SETDB2: variants seen among roughly 807,000 people sequenced by gnomAD.
The protein encoded by SETDB2 is histone-lysine N-methyltransferase SETDB2.
Under a neutral mutation model 82.5 loss-of-function variants are expected in SETDB2, and 56 were observed. The ratio of observed to expected loss-of-function variants is 0.68; its 90% confidence interval spans 0.55 to 0.85. The LOEUF (loss-of-function observed/expected upper bound fraction) is 0.85. SETDB2 is among the 40% of genes least tolerant of loss of function. SETDB2 has a pLI of 0.00. For synonymous variants in SETDB2, 272 were observed against 284.9 expected (o/e 0.95, Z 0.46); for missense variants, 677 against 816.4 (o/e 0.83, Z 2.08).
At position 49,493,507 on chromosome 13, in the gene SETDB2, C is replaced by G. The variant is rs574503467; in HGVS notation, c.*1658C>G. ...ATCTTCCATCAGTACCCCAGAGATTCACTTTGTCTCTTATGTGGGATCTGT... is the reference window on the plus strand; with the variant it reads ...ATCTTCCATCAGTACCCCAGAGATTGACTTTGTCTCTTATGTGGGATCTGT... On this transcript the variant is annotated 3_prime_UTR_variant, in exon 14 of 14. Transcript: ENST00000611815. 1.3e-5 allele frequency: 2 copies of G among 152,296 alleles called. No homozygotes were observed. The highest frequency in any genetic ancestry group is 2.4e-5 in the African/African-American group (1 of 41,558). 9.4% of individuals were successfully genotyped at this position (152,296 alleles called of 1,614,324 possible).
In SETDB2 at chr13:49,481,050, C is replaced by T. The variant is rs1958466260; in HGVS notation, c.1090C>T (p.Gln364Ter). The T allele has an allele frequency of 6.2e-7, 1 of 1,614,094 alleles. No individual in the cohort carries two copies. Among genetic ancestry groups the T allele is most frequent in the Non-Finnish European group, 8.5e-7 (1 of 1,179,968 alleles). The change falls in exon 8 of 14, where the codon CAG becomes TAG. Residue 364 changes from glutamine to a stop codon, truncating the protein, a stop_gained. Coordinates refer to ENST00000611815, the MANE Select transcript of SETDB2 (RefSeq NM_001160308.3). LOFTEE classifies it high-confidence loss of function. ...GAGGTTACAGGTGTTCAAAACTGAG[C>T]AGAAGGGATGGGGTGTACGCTGTCT... is the stretch of plus-strand genomic sequence containing the variant. Reference protein sequence around the residue: ...QVRLQVFKTEQKGWGVRCLDD... With the variant: ...QVRLQVFKTE
chr13:49,456,431 GTCT>G (rs1957883662), intron 2 of SETDB2, among the ~76,000 whole-genome samples: 1 of 152,102 alleles, frequency 6.6e-6, no homozygotes, highest in African/African-American at 2.4e-5. Flanking sequence ...CATGGTTATA[GTCT>G]TGCAATGAAT....
rs762248267 is a variant in SETDB2, at chr13:49,451,853, C to T, written c.-41C>T. The T allele has an allele frequency of 1.3e-6, 2 of 1,544,208 alleles. No homozygotes were observed. Among genetic ancestry groups the T allele is most frequent in the Admixed American group, 1.8e-5 (1 of 55,710 alleles). ...CTGCAATCAAAGTGATTTGATAAAC[C>T]TAATTTTGAAGCATTTTATATTTAT... On this transcript the variant is annotated 5_prime_UTR_variant, in exon 2 of 14. Transcript: ENST00000611815.
At chr13:49,490,931 A>G (rs753393538) in intron 13 of SETDB2, 21 bp downstream of exon 13, 1 of 1,581,212 alleles carries the variant, frequency 6.3e-7, no homozygotes, top group African/African-American at 1.3e-5. Flanking sequence ...GATTTCGCTT[A>G]CTTAATTCTG....
chr13:49,470,966 C>CTTTCTTTTTTTTTTTTTTTTTTTTT (rs10695231), intron 5 of SETDB2, among the ~76,000 whole-genome samples: 3 of 80,470 alleles, frequency 3.7e-5, no homozygotes, highest in African/African-American at 1.8e-4. Context: ...TTCTTTCTTT[C>CTTTCTTTTTTTTTTTTTTTTTTTTT]TTTTTTTTTT....
At chr13:49,485,054 A>T (rs1318685891) in intron 10 of SETDB2, among the ~76,000 whole-genome samples, 1 of 152,270 alleles carries the variant, frequency 6.6e-6, no homozygotes, top group Admixed American at 6.5e-5. Context: ...TGCTCAATAC[A>T]TGTTGACCAT....
intron 1 of SETDB2, among the ~76,000 whole-genome samples, chr13:49,448,405 C>T (rs1343898280): frequency 6.6e-6 from 1 of 152,062 alleles, no homozygotes; most frequent in East Asian, 1.9e-4. Context: ...TTTCATTTTG[C>T]TAATAAAATT....
chr13:49,481,940 A>C (rs930219097), intron 8 of SETDB2: 8 of 464,332 alleles, frequency 1.7e-5, no homozygotes, highest in African/African-American at 1.7e-4. Flanking sequence ...CTTAGAAAAG[A>C]AATATCAGGT....
chr13:49,454,303 A>G (rs1038321059), intron 2 of SETDB2, among the ~76,000 whole-genome samples: 19 of 152,178 alleles, frequency 1.2e-4, no homozygotes, highest in African/African-American at 4.3e-4. Context: ...CAGCTATTCC[A>G]GAGGCTGGGG....
At chr13:49,467,800 G>T in intron 4 of SETDB2, 64 bp from the exon 5 acceptor site, 1 of 1,208,802 alleles carries the variant, frequency 8.3e-7, no homozygotes, top group Non-Finnish European at 1.2e-6. Context: ...CATATTACTT[G>T]GGTACTTATA....
chr13:49,486,079 G>T (rs904550715), intron 11 of SETDB2, among the ~76,000 whole-genome samples: 1 of 152,134 alleles, frequency 6.6e-6, no homozygotes, highest in Non-Finnish European at 1.5e-5. Flanking sequence ...TTAGCACTTT[G>T]GGAAGCCAAG....
intron 7 of SETDB2, among the ~76,000 whole-genome samples, 178 bp downstream of exon 7, chr13:49,480,513 C>T (rs1488217541): frequency 6.6e-6 from 1 of 152,184 alleles, no homozygotes; most frequent in African/African-American, 2.4e-5. Context: ...TAGTCAGAGA[C>T]CACACATACA....
At position 49,451,867 on chromosome 13, in the gene SETDB2, TTTTATA is replaced by T. The variant is rs760052817; in HGVS notation, c.-20_-15del. The stretch of plus-strand genomic sequence containing the variant: ...ATTTGATAAACCTAATTTTGAAGCA[TTTTATA>T]TTTATAAGCGACATCAAAAGATGGG... On this transcript the variant is annotated 5_prime_UTR_variant, in exon 2 of 14. Transcript: ENST00000611815. The T allele has an allele frequency of 1.6e-5, 25 of 1,582,410 alleles. No individual in the cohort carries two copies. Among genetic ancestry groups the T allele is most frequent in the Admixed American group, 1.6e-4 (9 of 58,042 alleles).
At chr13:49,450,941 ATAT>A (rs201567132) in intron 1 of SETDB2, among the ~76,000 whole-genome samples, 17,053 of 150,508 alleles carry the variant, frequency 0.11, 1,078 homozygotes, top group Admixed American at 0.17. Context: ...ATAGAGGTTT[ATAT>A]TATTAATTAA....
intron 4 of SETDB2, among the ~76,000 whole-genome samples, chr13:49,465,059 G>A (rs1257308891): frequency 7.1e-6 from 1 of 140,838 alleles, no homozygotes; most frequent in Non-Finnish European, 1.5e-5. Context: ...AGGCAAGAGA[G>A]TGAGACCCTG....
chr13:49,478,351 A>G (rs1390660341), intron 6 of SETDB2, among the ~76,000 whole-genome samples: 1 of 152,356 alleles, frequency 6.6e-6, no homozygotes, highest in South Asian at 2.1e-4. Flanking sequence ...GAACTAGGCC[A>G]GTATCTCACA....
intron 11 of SETDB2, 75 bp downstream of exon 11, chr13:49,485,798 A>T (rs909533510): frequency 8.8e-7 from 1 of 1,130,962 alleles, no homozygotes; most frequent in South Asian, 1.2e-5. Flanking sequence ...CCTGTAGCTC[A>T]TTTTCTTAGA....
chr13:49,480,862 C>T, intron 7 of SETDB2, 85 bp from the exon 8 acceptor site: 1 of 1,430,512 alleles, frequency 7.0e-7, no homozygotes, highest in Non-Finnish European at 9.7e-7. Context: ...AGCCTGCTTC[C>T]CTCAGTAGTT....
intron 5 of SETDB2, among the ~76,000 whole-genome samples, chr13:49,471,479 T>C (rs2138913241): frequency 6.6e-6 from 1 of 151,736 alleles, no homozygotes; most frequent in Non-Finnish European, 1.5e-5. Context: ...ACATACCTAT[T>C]CAAGCTAGCT....
Sources: gnomAD v4.1 joint callset for allele counts (sites outside exome capture counted in the v4.1 genomes callset) on GRCh38, gnomAD v4.1.1 for gene constraint, MANE v1.5 for transcripts, NCBI Gene and HGNC (gene_info 2026-07-23, HGNC 2026-07-21) for gene names.